SMIM14: variants seen among roughly 807,000 people sequenced by gnomAD.
The protein encoded by SMIM14 is small integral membrane protein 14, also known as chromosome 4 open reading frame 34.
SMIM14 carries 5 observed loss-of-function variants against 12.6 expected under a neutral mutation model. That is an observed-to-expected ratio of 0.40 (90% CI 0.21 to 0.83). The LOEUF is 0.83. Among genes scored for constraint, SMIM14 ranks in the 40% least tolerant of loss-of-function variants. The probability of loss-of-function intolerance (pLI) is 0.37; values close to 1 mark genes in which losing one functional copy is unlikely to be tolerated. For synonymous variants in SMIM14, 30 were observed against 40.1 expected (o/e 0.75, Z 0.95); for missense variants, 86 against 119.1 (o/e 0.72, Z 1.29).
At chr4:39,638,688 C>T (rs1278766890) in intron 1 of SMIM14, 51 bp downstream of exon 1, 10 of 984,786 alleles carry the variant, frequency 1.0e-5, no homozygotes, top group Non-Finnish European at 1.2e-5. Context: ...AAAACTGGGG[C>T]GAGGGGAGGG....
chr4:39,592,957 C>T (rs552001957), intron 2 of SMIM14: 119 of 152,006 alleles, frequency 7.8e-4, no homozygotes, highest in Admixed American at 1.0e-3. Context: ...GATTCACAGC[C>T]GAATTCTACC....
At chr4:39,615,180 C>G (rs1449040830) in intron 1 of SMIM14, among the ~76,000 whole-genome samples, 1 of 152,064 alleles carries the variant, frequency 6.6e-6, no homozygotes, top group Non-Finnish European at 1.5e-5. Context: ...AGTGATCCTC[C>G]CACCTTGGCC....
intron 1 of SMIM14, among the ~76,000 whole-genome samples, chr4:39,618,271 A>C (rs1715295546): frequency 6.6e-6 from 1 of 152,188 alleles, no homozygotes; most frequent in African/African-American, 2.4e-5. Flanking sequence ...AGCCCAACTC[A>C]TTTGAACACC....
chr4:39,582,673 AAAG>A (rs202026813), intron 2 of SMIM14, among the ~76,000 whole-genome samples: 29,788 of 151,396 alleles, frequency 0.2, 3,449 homozygotes, highest in South Asian at 0.32. Flanking sequence ...TCAAAAAAAA[AAAG>A]AAAGGGTCTT....
chr4:39,602,547 A>G (rs1361407578), intron 2 of SMIM14, among the ~76,000 whole-genome samples: 1 of 152,056 alleles, frequency 6.6e-6, no homozygotes, highest in Non-Finnish European at 1.5e-5. Flanking sequence ...GTGAGCCTAG[A>G]CTGCATCATT....
At chr4:39,636,398 C>A (rs560534277) in intron 1 of SMIM14, among the ~76,000 whole-genome samples, 2 of 152,260 alleles carry the variant, frequency 1.3e-5, no homozygotes, top group South Asian at 4.1e-4. Flanking sequence ...CAAGTGAGGT[C>A]TTACTTTGCC....
At chr4:39,556,350 G>C in intron 4 of SMIM14, 78 bp downstream of exon 4, 1 of 1,406,862 alleles carries the variant, frequency 7.1e-7, no homozygotes, top group East Asian at 2.3e-5. Flanking sequence ...AGGTGTTTTA[G>C]TCAAAACCAA....
intron 2 of SMIM14, among the ~76,000 whole-genome samples, chr4:39,579,986 T>C (rs931229975): frequency 6.6e-6 from 1 of 152,004 alleles, no homozygotes; most frequent in Non-Finnish European, 1.5e-5. Context: ...GAAAAAAAAT[T>C]ACAAAGAACA....
At chr4:39,582,590 G>A (rs908804859) in intron 2 of SMIM14, among the ~76,000 whole-genome samples, 4 of 151,494 alleles carry the variant, frequency 2.6e-5, no homozygotes, top group Non-Finnish European at 5.9e-5. Flanking sequence ...CTTGAACCCA[G>A]GAGGCAGAGG....
In SMIM14 at chr4:39,551,776, A is replaced by G. The variant is rs939843897; in HGVS notation, c.*350T>C. On this transcript the variant is annotated 3_prime_UTR_variant, in exon 5 of 5. Transcript: ENST00000295958. ...AAATCTATTTAAAATATATAAATGC[A>G]GACCTCTCAAATTTCCTTCAATCAG... 1 of 177,342 alleles carries G rather than the reference A, an allele frequency of 5.6e-6. No individual in the cohort carries two copies. The highest frequency in any genetic ancestry group is 2.4e-5 in the African/African-American group (1 of 42,448). The allele number at this position is 177,342 out of a possible 1,614,324, so 11.0% of individuals were successfully genotyped here.
rs71192879 is a variant in SMIM14 at position 39,587,495 on chromosome 4, C to CAAA, written c.76-15035_76-15033dup. Among the ~76,000 whole-genome samples, 37 of 77,336 alleles carry CAAA rather than the reference C, an allele frequency of 4.8e-4. 1 individual carries two copies. The highest frequency in any genetic ancestry group is 6.8e-4 in the Non-Finnish European group (28 of 40,942). 50.7% of individuals were successfully genotyped at this position (77,336 alleles called of 152,430 possible). On this transcript the variant is annotated intron_variant, in intron 2 of 4. Transcript: ENST00000295958. ...TGGGAGACAGAGTGAGGCTCCATCTCAAAAAAAAAAAAAAAAAAAAAAAAA... is the reference window on the plus strand; with the variant it reads ...TGGGAGACAGAGTGAGGCTCCATCTCAAAAAAAAAAAAAAAAAAAAAAAAAAAA...
chr4:39,580,227 C>G (rs1176690791), intron 2 of SMIM14, among the ~76,000 whole-genome samples: 1 of 152,112 alleles, frequency 6.6e-6, no homozygotes, highest in Non-Finnish European at 1.5e-5. Context: ...GTCACCCGAG[C>G]TAGTGTAGTG....
chr4:39,565,118 T>C (rs989195826), intron 3 of SMIM14, among the ~76,000 whole-genome samples: 18 of 152,052 alleles, frequency 1.2e-4, no homozygotes, highest in African/African-American at 3.1e-4. Context: ...ATCAGGAGGC[T>C]GAGGTGGGAG....
chr4:39,596,092 CCTTT>C (rs1714350003), intron 2 of SMIM14, among the ~76,000 whole-genome samples: 1 of 151,778 alleles, frequency 6.6e-6, no homozygotes. Context: ...ATATATAGTG[CCTTT>C]TTTTCTTTCT....
At chr4:39,609,630 G>A (rs948397100) in intron 1 of SMIM14, among the ~76,000 whole-genome samples, 2 of 152,184 alleles carry the variant, frequency 1.3e-5, no homozygotes, top group African/African-American at 4.8e-5. Context: ...AAATGACACA[G>A]GAGAGGTCAG....
At chr4:39,559,979 G>A (rs1288879062) in intron 3 of SMIM14, among the ~76,000 whole-genome samples, 1 of 150,440 alleles carries the variant, frequency 6.6e-6, no homozygotes, top group African/African-American at 2.5e-5. Context: ...AAAAATAGCC[G>A]GGTGTGGTGG....
At chr4:39,626,803 CAG>C (rs35288808) in intron 1 of SMIM14, among the ~76,000 whole-genome samples, 10,697 of 152,148 alleles carry the variant, frequency 0.07, 455 homozygotes, top group African/African-American at 0.081. Flanking sequence ...TCTTCAAGGT[CAG>C]AGAGAATTTC....
chr4:39,597,212 C>G (rs539712067), intron 2 of SMIM14, among the ~76,000 whole-genome samples: 147 of 150,916 alleles, frequency 9.7e-4, no homozygotes, highest in African/African-American at 3.5e-3. Context: ...GATTGGCTTG[C>G]ATCCTACATG....
At chr4:39,564,005 G>A (rs1223437398) in intron 3 of SMIM14, among the ~76,000 whole-genome samples, 1 of 151,978 alleles carries the variant, frequency 6.6e-6, no homozygotes, top group African/African-American at 2.4e-5. Context: ...TTGGCTCACT[G>A]CAACCTCCGC....
Sources: allele counts gnomAD v4.1 joint callset (sites outside exome capture counted in the v4.1 genomes callset), GRCh38; gene constraint gnomAD v4.1.1; transcripts MANE v1.5; gene names NCBI Gene and HGNC (gene_info 2026-07-23, HGNC 2026-07-21).